Variants in NDUFA10 observed in about 807,000 individuals in gnomAD.
NDUFA10 encodes NADH:ubiquinone oxidoreductase subunit A10.
NDUFA10 carries 40 observed loss-of-function variants against 47.8 expected under a neutral mutation model. That is an observed-to-expected ratio of 0.84 (90% CI 0.65 to 1.09). The LOEUF (loss-of-function observed/expected upper bound fraction) is 1.09. Among genes scored for constraint, NDUFA10 ranks in the 50% least tolerant of loss-of-function variants. The pLI, the probability that NDUFA10 is intolerant of heterozygous loss-of-function variation, is 0.00. For missense variants in NDUFA10, 413 were observed against 451.1 expected (o/e 0.92, Z 0.76); for synonymous variants, 183 against 172.2 (o/e 1.06, Z -0.49).
chr2:240,011,811 C>T (rs1234084734), intron 5 of NDUFA10, 115 bp from the exon 6 acceptor site: 7 of 911,944 alleles, frequency 7.7e-6, no homozygotes, highest in East Asian at 2.6e-5. Context: ...CAACTCACAC[C>T]GGGCACTGTG....
At chr2:239,999,467 C>G (rs1030888268) in intron 8 of NDUFA10, among the ~76,000 whole-genome samples, 5 of 152,184 alleles carry the variant, frequency 3.3e-5, no homozygotes, top group Non-Finnish European at 7.3e-5. Context: ...TGGTTCCCTG[C>G]ATGCGGGTTC....
intron 4 of NDUFA10, among the ~76,000 whole-genome samples, chr2:239,898,240 TATAAA>T (rs1329465107): frequency 6.6e-6 from 1 of 152,186 alleles, no homozygotes. Flanking sequence ...CCAAGGAGGT[TATAAA>T]ATGAGAGAAC....
At chr2:240,003,765 C>T (rs1696825954) in intron 8 of NDUFA10, among the ~76,000 whole-genome samples, 1 of 152,138 alleles carries the variant, frequency 6.6e-6, no homozygotes, top group African/African-American at 2.4e-5. Flanking sequence ...CTGGGCGTTG[C>T]AGTGATGAGA....
chr2:239,918,452 G>T (rs1398655993), intron 4 of NDUFA10, among the ~76,000 whole-genome samples: 1 of 152,208 alleles, frequency 6.6e-6, no homozygotes, highest in Non-Finnish European at 1.5e-5. Context: ...ACTTCCTCTT[G>T]AGCCCCTCCA....
intron 6 of NDUFA10, among the ~76,000 whole-genome samples, chr2:240,007,587 A>G (rs1696993602): frequency 6.6e-6 from 1 of 152,204 alleles, no homozygotes; most frequent in Non-Finnish European, 1.5e-5. Context: ...CTTGACAGTG[A>G]CAACAGCAGG....
At chr2:239,963,645 G>A (rs900636650) in intron 9 of NDUFA10, among the ~76,000 whole-genome samples, 6 of 152,180 alleles carry the variant, frequency 3.9e-5, no homozygotes, top group African/African-American at 1.4e-4. Context: ...AGGGTGTGGG[G>A]GCTACATGGC....
intron 9 of NDUFA10, among the ~76,000 whole-genome samples, chr2:239,969,012 T>A (rs138193160): frequency 6.6e-6 from 1 of 152,310 alleles, no homozygotes; most frequent in East Asian, 1.9e-4. Context: ...GTACCTTAAC[T>A]GCTGTCAGAA....
At chr2:240,021,629 T>G (rs1044833254) in intron 2 of NDUFA10, among the ~76,000 whole-genome samples, 1 of 152,238 alleles carries the variant, frequency 6.6e-6, no homozygotes, top group Non-Finnish European at 1.5e-5. Flanking sequence ...GCTTGCACAG[T>G]GCCCTTATCC....
intron 4 of NDUFA10, among the ~76,000 whole-genome samples, chr2:240,017,246 C>T (rs930717516): frequency 2.0e-5 from 3 of 152,172 alleles, no homozygotes; most frequent in Admixed American, 6.5e-5. Context: ...GCATCCTCGC[C>T]GAGGCGCAGC....
chr2:240,016,791 C>T lies in NDUFA10; in HGVS notation c.547+1762G>A, dbSNP rs1350350368. On this transcript the variant is annotated intron_variant, in intron 4 of 9. Coordinates refer to ENST00000252711, the MANE Select transcript of NDUFA10 (RefSeq NM_004544.4). This position sits in a 1 kb window ranked among gnomAD's most constrained non-coding sequence, Gnocchi z 4.4. The stretch of plus-strand genomic sequence containing the variant: ...CAACGCCTGCAGACTCCAGCCCAGG[C>T]CAGTCCTCAGACTTCAGCAGACACT... Among the ~76,000 whole-genome samples the T allele has an allele frequency of 6.6e-6, 1 of 152,172 alleles. No homozygotes were observed. The highest frequency in any genetic ancestry group is 2.4e-5 in the African/African-American group (1 of 41,426).
At chr2:239,915,667 CACAA>C (rs532588444) in intron 4 of NDUFA10, among the ~76,000 whole-genome samples, 128 of 150,192 alleles carry the variant, frequency 8.5e-4, no homozygotes, top group African/African-American at 2.9e-3. Context: ...GAGATGCACA[CACAA>C]ACATATACAC....
intron 5 of NDUFA10, 89 bp downstream of exon 5, chr2:240,014,650 A>C: frequency 6.4e-7 from 1 of 1,574,126 alleles, no homozygotes; most frequent in Non-Finnish European, 8.7e-7. Flanking sequence ...ACTGGTAGGA[A>C]TTAGTATAAA....
At chr2:239,898,083 G>A (rs910018127) in intron 4 of NDUFA10, among the ~76,000 whole-genome samples, 3 of 152,084 alleles carry the variant, frequency 2.0e-5, no homozygotes, top group Admixed American at 6.5e-5. Context: ...GGAACCAACC[G>A]GGGCCCAGCT....
chr2:239,986,027 A>AAC (rs1442981918), intron 9 of NDUFA10, among the ~76,000 whole-genome samples: 1 of 152,162 alleles, frequency 6.6e-6, no homozygotes, highest in Non-Finnish European at 1.5e-5. Context: ...CTACTTACAC[A>AAC]ACACACACCC....
rs1326612662 is a variant in NDUFA10 at position 239,907,863 on chromosome 2, G to GAAAT, written c.295-12553_295-12550dup. 2.0e-5 allele frequency among the ~76,000 whole-genome samples: 3 copies of GAAAT among 152,192 alleles called. No homozygotes were observed. In the East Asian group the frequency reaches 5.8e-4, roughly 29 times the overall value. On this transcript the variant is annotated intron_variant, in intron 4 of 5. Coordinates refer to the NDUFA10 transcript ENST00000419408. ...GCAATTCCTCAAGGATCTAGAACTA[G>GAAAT]AAATACCATTTGACCCAGCCATCCC...
At chr2:240,017,721 T>C (rs1697421733) in intron 4 of NDUFA10, 1 of 976,290 alleles carries the variant, frequency 1.0e-6, no homozygotes, top group Non-Finnish European at 1.6e-6. Context: ...GGGCTTGCAG[T>C]GCTCTTGCGG....
At position 239,934,956 on chromosome 2, in the gene NDUFA10, C is replaced by A. The variant is rs115145214; in HGVS notation, c.295-39642G>T. Among the ~76,000 whole-genome samples the A allele has an allele frequency of 3.7e-3, 561 of 152,344 alleles. 3 individuals carry two copies. Among genetic ancestry groups the A allele is most frequent in the African/African-American group, 0.013 (541 of 41,572 alleles). On this transcript the variant is annotated intron_variant, in intron 4 of 5. Transcript: ENST00000419408. Reference sequence around the variant, plus strand: ...AGTTGGTGCAGCTGCCGCGTGCCCACCAGCCTGGCCCTCCCCACTTTGCCT... The same window carrying A: ...AGTTGGTGCAGCTGCCGCGTGCCCAACAGCCTGGCCCTCCCCACTTTGCCT...
At chr2:239,915,573 TACAG>T (rs1280288859) in intron 4 of NDUFA10, among the ~76,000 whole-genome samples, 2 of 123,614 alleles carry the variant, frequency 1.6e-5, no homozygotes, top group African/African-American at 3.2e-5. Context: ...GACACAAATA[TACAG>T]ACACACACAC....
chr2:239,972,011 A>G (rs974557471), intron 9 of NDUFA10, among the ~76,000 whole-genome samples: 3 of 152,008 alleles, frequency 2.0e-5, no homozygotes, highest in Non-Finnish European at 2.9e-5. Flanking sequence ...GGTGACTCCA[A>G]TCTTTCTGCA....
Sources: allele counts gnomAD v4.1 joint callset (sites outside exome capture counted in the v4.1 genomes callset), GRCh38; gene constraint gnomAD v4.1.1; non-coding constraint Gnocchi (gnomAD v3.1); transcripts MANE v1.5; gene names NCBI Gene and HGNC (gene_info 2026-07-23, HGNC 2026-07-21).